The following TUT7 variants were observed in gnomAD, a reference collection of about 807,000 sequenced individuals.
TUT7 encodes the protein terminal uridylyl transferase 7, also known as terminal uridylyltransferase 7.
In TUT7, 33 loss-of-function variants were observed where a neutral mutation model predicts 165.9. The ratio of observed to expected loss-of-function variants is 0.20; its 90% CI spans 0.15 to 0.27. The LOEUF is 0.27. TUT7 is among the 10% of genes least tolerant of loss of function. The pLI is 1.00. For missense variants in TUT7, 1,338 were observed against 1,762.3 expected (o/e 0.76, Z 4.31); for synonymous variants, 552 against 608.1 (o/e 0.91, Z 1.36).
intron 26 of TUT7, among the ~76,000 whole-genome samples, chr9:86,290,890 C>T (rs978216517): frequency 6.6e-6 from 1 of 151,760 alleles, no homozygotes; most frequent in African/African-American, 2.4e-5. Flanking sequence ...CTACCTCATA[C>T]TTCATACACA....
At chr9:86,343,461 A>G (rs1451468620) in intron 5 of TUT7, among the ~76,000 whole-genome samples, 1 of 152,170 alleles carries the variant, frequency 6.6e-6, no homozygotes, top group Non-Finnish European at 1.5e-5. Context: ...TATTATCTAA[A>G]TATCACATTT....
chr9:86,317,537 G>A (rs1420385963), intron 16 of TUT7, among the ~76,000 whole-genome samples: 1 of 151,996 alleles, frequency 6.6e-6, no homozygotes, highest in Non-Finnish European at 1.5e-5. Context: ...ATGGACCTAG[G>A]GCTTCCAAAA....
chr9:86,343,261 A>G, intron 5 of TUT7, 98 bp from the exon 6 acceptor site: 1 of 729,962 alleles, frequency 1.4e-6, no homozygotes, highest in Admixed American at 3.7e-5. Flanking sequence ...CCATCAATTA[A>G]AATTACACAC....
chr9:86,325,785 C>G (rs1044642336), intron 11 of TUT7, among the ~76,000 whole-genome samples: 1 of 152,138 alleles, frequency 6.6e-6, no homozygotes, highest in Non-Finnish European at 1.5e-5. Context: ...AGACAGAGCT[C>G]CTAATTTTGA....
chr9:86,333,520 T>C (rs991909219), intron 10 of TUT7, among the ~76,000 whole-genome samples: 2 of 152,222 alleles, frequency 1.3e-5, no homozygotes, highest in Non-Finnish European at 2.9e-5. Flanking sequence ...CCCAAAGGCA[T>C]TGTTCATTTC....
At chr9:86,332,942 T>C (rs1165665301) in intron 10 of TUT7, among the ~76,000 whole-genome samples, 2 of 152,220 alleles carry the variant, frequency 1.3e-5, no homozygotes, top group African/African-American at 4.8e-5. Flanking sequence ...ACAGCTATAA[T>C]AACTGCTTTA....
rs767207991 is a variant in TUT7 at position 86,323,125 on chromosome 9, A to G, written c.2625T>C (p.Asn875=). 6.2e-7 allele frequency: 1 copy of G among 1,614,180 alleles called. No homozygotes were observed. The highest frequency in any genetic ancestry group is 2.2e-5 in the East Asian group (1 of 44,882). ...NQREDEDGMA[N]EDELDNTYTG... ...TGTAGGTGTTGTCTAACTCATCTTC[A>G]TTAGCCATGCCATCTTCATCTTCCC... The change falls in exon 13 of 27, where the codon AAT becomes AAC. Residue 875 remains asparagine, a synonymous_variant. Coordinates refer to ENST00000375963, the MANE Select transcript of TUT7 (RefSeq NM_024617.4).
Position 86,322,933 on chromosome 9 carries a change from T to C in TUT7, c.2817A>G (p.Ser939=), listed in dbSNP as rs774678341. The change falls in exon 13 of 27, where the codon TCA becomes TCG. Residue 939 remains serine (S), a synonymous_variant. Transcript: ENST00000375963. ...AAAAAAAATCAGACTGATCCACAGG[T>C]GAATTTTTTTCTTCACATACATTTT... ...KEENVCEEKN[S]PVDQSDFFYE... is the part of the protein sequence containing the mutation. 2 of 1,561,234 alleles carry C rather than the reference T, an allele frequency of 1.3e-6. No homozygotes were observed. The highest frequency in any genetic ancestry group is 2.3e-5 in the South Asian group (2 of 88,660).
intron 10 of TUT7, among the ~76,000 whole-genome samples, chr9:86,334,324 C>A: frequency 6.6e-6 from 1 of 152,172 alleles, no homozygotes. Context: ...ACCCTCAGAG[C>A]TTAGTGGGAT....
intron 26 of TUT7, among the ~76,000 whole-genome samples, chr9:86,297,921 C>CTTTTTTTTTTTTT (rs59651352): frequency 0.26 from 21,683 of 83,998 alleles, 4,997 homozygotes; most frequent in Non-Finnish European, 0.33. Flanking sequence ...GCCTGCTCCA[C>CTTTTTTTTTTTTT]TTTTTTTTTT....
intron 26 of TUT7, 87 bp from the exon 27 acceptor site, chr9:86,288,831 A>G (rs1173922770): frequency 3.8e-6 from 4 of 1,046,768 alleles, no homozygotes; most frequent in Non-Finnish European, 5.6e-6. Context: ...CTTATTAAGT[A>G]GTCACAAAAA....
chr9:86,336,272 G>A (rs1252935559), intron 10 of TUT7, among the ~76,000 whole-genome samples: 1 of 152,178 alleles, frequency 6.6e-6, no homozygotes, highest in African/African-American at 2.4e-5. Flanking sequence ...CTACTTGGGT[G>A]TGCTGGAAAG....
chr9:86,302,995 G>A, intron 25 of TUT7, 91 bp downstream of exon 25: 1 of 590,414 alleles, frequency 1.7e-6, no homozygotes, highest in Non-Finnish European at 3.0e-6. Context: ...TTTTACACAA[G>A]TGTATTTTCT....
At chr9:86,295,893 A>G (rs1258717071) in intron 26 of TUT7, among the ~76,000 whole-genome samples, 1 of 152,144 alleles carries the variant, frequency 6.6e-6, no homozygotes, top group Non-Finnish European at 1.5e-5. Context: ...TTACCAAAAA[A>G]AGGGTAGGAA....
chr9:86,317,110 G>A, intron 17 of TUT7, 109 bp downstream of exon 17: 1 of 867,788 alleles, frequency 1.2e-6, no homozygotes, highest in Admixed American at 2.2e-5. Context: ...GGAGGGTTGA[G>A]GGGTGATGGG....
At chr9:86,312,371 C>A (rs1339545416) in intron 17 of TUT7, among the ~76,000 whole-genome samples, 20 of 150,604 alleles carry the variant, frequency 1.3e-4, no homozygotes, top group African/African-American at 4.4e-4. Context: ...AAGTGAGGAG[C>A]CCCTCAGCCC....
In TUT7 at chr9:86,352,827, T is replaced by C; in HGVS notation, c.373A>G (p.Ile125Val). 1 of 1,614,240 alleles carries C rather than the reference T, an allele frequency of 6.2e-7. No homozygotes were observed. ...AAGGAGTCTTTTCTTTGTCGGTTTATAACAGGAATTCTAGGTCCAGGTTTG... is the reference window on the plus strand; with the variant it reads ...AAGGAGTCTTTTCTTTGTCGGTTTACAACAGGAATTCTAGGTCCAGGTTTG... ...EFKPGPRIPV[I>V]NRQRKDSFQE... Residue 125 changes from isoleucine to valine, a missense_variant, in exon 2 of 27, where the codon ATA becomes GTA. Ile to Val is a conservative substitution (Grantham distance 29, BLOSUM62 3). Around this residue, in one of 7 missense-constraint regions of TUT7, gnomAD observed 434 missense variants for 480.8 expected, o/e 0.90. Transcript: ENST00000375963.
At chr9:86,352,594 C>T in intron 2 of TUT7, 86 bp downstream of exon 2, 1 of 1,498,442 alleles carries the variant, frequency 6.7e-7, no homozygotes, top group Non-Finnish European at 9.3e-7. Flanking sequence ...AACTAAATTG[C>T]TGAAAATAAC....
chr9:86,339,876 C>T (rs987883502), intron 8 of TUT7, 160 bp downstream of exon 8: 1 of 506,342 alleles, frequency 2.0e-6, no homozygotes, highest in Non-Finnish European at 3.5e-6. Flanking sequence ...TCCCCTTTTA[C>T]ATCAAATGCC....
Sources: allele counts gnomAD v4.1 joint callset (sites outside exome capture counted in the v4.1 genomes callset), GRCh38; gene constraint gnomAD v4.1.1; regional missense constraint gnomAD v4.1.1; transcripts MANE v1.5; gene names NCBI Gene and HGNC (gene_info 2026-07-23, HGNC 2026-07-21).